The following LAMA2 variants were observed in gnomAD, a reference collection of about 807,000 sequenced individuals.
LAMA2 encodes laminin subunit alpha-2.
A neutral mutation model predicts 364.8 loss-of-function variants in LAMA2; 269 were observed. The observed-to-expected ratio is 0.74, with a 90% confidence interval of 0.67 to 0.82. The LOEUF is 0.82. LAMA2 is among the 40% of genes least tolerant of loss of function. The probability of loss-of-function intolerance (pLI) is 0.00; values close to 1 mark genes in which losing one functional copy is unlikely to be tolerated. For missense variants in LAMA2, 3,807 were observed against 3,873.2 expected, an observed-to-expected ratio of 0.98 and a Z score of 0.45; for synonymous variants, 1,379 against 1,370.6, an observed-to-expected ratio of 1.01 and a Z score of -0.14.
intron 4 of LAMA2, among the ~76,000 whole-genome samples, chr6:129,124,842 G>A (rs542984309): frequency 2.0e-5 from 3 of 152,170 alleles, no homozygotes; most frequent in Non-Finnish European, 2.9e-5. Flanking sequence ...CCTTGTACAC[G>A]TTAAGTGTCA....
rs1787086051 is a variant in LAMA2, at chr6:129,516,411, T to TA, written c.*65dup. On this transcript the variant is annotated 3_prime_UTR_variant, in exon 65 of 65. Coordinates refer to ENST00000421865, the MANE Select transcript of LAMA2 (RefSeq NM_000426.4). ...AAGTATATCAAGTAAAACAAACAAA[T>TA]ATATTTTACCTATATATGTTAATTA... The TA allele has an allele frequency of 2.4e-5, 35 of 1,486,814 alleles. No individual in the cohort carries two copies. The highest frequency in any genetic ancestry group is 3.1e-5 in the Non-Finnish European group (33 of 1,079,382). 92.1% of individuals were successfully genotyped at this position (1,486,814 alleles called of 1,614,324 possible). A position where few individuals can be genotyped will look rare whatever the true frequency, so the allele number is the denominator to read the frequency against.
In LAMA2 at chr6:129,300,796, C is replaced by T; in HGVS notation, c.3098C>T (p.Pro1033Leu). The change falls in exon 22 of 65, where the codon CCT becomes CTT. Residue 1033 changes from proline (P) to leucine (L), a missense_variant. Around this residue, in one of 3 missense-constraint regions of LAMA2, gnomAD observed 3,333 missense variants for 3,345.7 expected, o/e 1.00. Coordinates refer to ENST00000421865, the MANE Select transcript of LAMA2 (RefSeq NM_000426.4). Reference protein sequence around the residue: ...CDPKTGRCICPPNTIGEKCSK... With the variant: ...CDPKTGRCICLPNTIGEKCSK... ...CCAAAGACTGGGCGATGCATTTGCC[C>T]TCCCAATACCATTGGAGAGAAATGT... is the stretch of plus-strand genomic sequence containing the variant. 1 of 1,613,532 alleles carries T rather than the reference C, an allele frequency of 6.2e-7. No homozygotes were observed. Among genetic ancestry groups the T allele is most frequent in the Non-Finnish European group, 8.5e-7 (1 of 1,179,488 alleles).
At position 129,453,984 on chromosome 6, in the gene LAMA2, T is replaced by A. The variant is rs527700503; in HGVS notation, c.6574-171T>A. Among the ~76,000 whole-genome samples, 206 of 150,566 alleles carry A rather than the reference T, an allele frequency of 1.4e-3. 1 individual carries two copies. The highest frequency in any genetic ancestry group is 4.8e-3 in the African/African-American group (200 of 41,250). ...GCTTTAAGGATATAAAAATAAAATATTATTTTAATAATGTATAATAATAAA... is the reference window on the plus strand; with the variant it reads ...GCTTTAAGGATATAAAAATAAAATAATATTTTAATAATGTATAATAATAAA... On this transcript the variant is annotated intron_variant, in intron 46 of 64. Coordinates refer to ENST00000421865, the MANE Select transcript of LAMA2 (RefSeq NM_000426.4).
intron 18 of LAMA2, among the ~76,000 whole-genome samples, chr6:129,280,416 T>G (rs963509516): frequency 2.0e-5 from 3 of 152,212 alleles, no homozygotes; most frequent in African/African-American, 7.2e-5. Context: ...CTACAATCTT[T>G]GTAGAAAGCA....
chr6:128,924,932 A>G (rs1232531391), intron 1 of LAMA2, among the ~76,000 whole-genome samples: 1 of 152,252 alleles, frequency 6.6e-6, no homozygotes, highest in Non-Finnish European at 1.5e-5. Flanking sequence ...AAAAAATAGT[A>G]TGTGAATATA....
intron 32 of LAMA2, among the ~76,000 whole-genome samples, chr6:129,356,883 AT>A (rs1193649203): frequency 1.3e-5 from 2 of 152,074 alleles, no homozygotes; most frequent in African/African-American, 4.8e-5. Flanking sequence ...TTCATCAGAG[AT>A]TGTCAAGTAG....
At chr6:129,189,524 G>C (rs1781412735) in intron 10 of LAMA2, among the ~76,000 whole-genome samples, 1 of 152,164 alleles carries the variant, frequency 6.6e-6, no homozygotes, top group South Asian at 2.1e-4. Flanking sequence ...CCAGTCTGGA[G>C]AGCAGTCACA....
At chr6:129,229,560 G>A (rs1306045173) in intron 12 of LAMA2, among the ~76,000 whole-genome samples, 2 of 152,146 alleles carry the variant, frequency 1.3e-5, no homozygotes, top group African/African-American at 4.8e-5. Context: ...TGTTTTAATA[G>A]GGTTAGTATG....
At chr6:129,154,401 G>C in intron 7 of LAMA2, 104 bp from the exon 8 acceptor site, 1 of 1,020,816 alleles carries the variant, frequency 9.8e-7, no homozygotes, top group Non-Finnish European at 1.5e-6. Flanking sequence ...GCGACAGAGT[G>C]AGACTCTGTC....
At chr6:129,173,163 G>T (rs1477213218) in intron 9 of LAMA2, among the ~76,000 whole-genome samples, 1 of 152,196 alleles carries the variant, frequency 6.6e-6, no homozygotes, top group Non-Finnish European at 1.5e-5. Context: ...CTGTAGACCG[G>T]AGCTGTTCCT....
chr6:129,054,772 A>G (rs1788349852), intron 2 of LAMA2, among the ~76,000 whole-genome samples: 3 of 149,872 alleles, frequency 2.0e-5, no homozygotes, highest in Admixed American at 1.3e-4. Context: ...ACCTATGTGT[A>G]TATAATATTT....
At chr6:129,442,751 T>C in intron 43 of LAMA2, 1 of 396,692 alleles carries the variant, frequency 2.5e-6, no homozygotes, top group Admixed American at 3.8e-5. Flanking sequence ...TTTTGTCATA[T>C]CTCTGTTTTA....
intron 8 of LAMA2, chr6:129,157,955 A>G: frequency 6.2e-7 from 1 of 1,614,030 alleles, no homozygotes; most frequent in Non-Finnish European, 8.5e-7. Context: ...CATTTGTGTC[A>G]CTGTTGAATT....
intron 2 of LAMA2, among the ~76,000 whole-genome samples, chr6:129,055,484 G>A (rs547349377): frequency 5.9e-5 from 9 of 152,154 alleles, no homozygotes; most frequent in Admixed American, 3.9e-4. Context: ...GTGAGCCACC[G>A]CGCCTGGCCT....
intron 35 of LAMA2, among the ~76,000 whole-genome samples, chr6:129,384,431 C>G (rs1047930792): frequency 7.2e-5 from 11 of 152,164 alleles, no homozygotes; most frequent in African/African-American, 2.7e-4. Flanking sequence ...CAACACCTAG[C>G]AGCCCATCCT....
chr6:129,410,929 G>A (rs897488931), intron 40 of LAMA2, among the ~76,000 whole-genome samples: 2 of 152,124 alleles, frequency 1.3e-5, no homozygotes, highest in Non-Finnish European at 1.5e-5. Flanking sequence ...CACAGTTCAA[G>A]AACTAGAGAG....
chr6:129,154,517 A>T lies in LAMA2; in HGVS notation c.1040A>T (p.His347Leu). Residue 347 changes from histidine to leucine, a missense_variant, in exon 8 of 65, where the codon CAT (histidine) becomes CTT (leucine). Physicochemically the swap from His to Leu is moderately conservative, Grantham distance 99. Around this residue, in one of 3 missense-constraint regions of LAMA2, gnomAD observed 80 missense variants for 124.0 expected, o/e 0.65. Transcript: ENST00000421865. ...TKTECEACNCHGKAEECYYDE... is the reference protein window; with the variant it reads ...TKTECEACNCLGKAEECYYDE... Reference sequence around the variant, plus strand: ...TTCCTTAATGCAGCATGCAATTGTCATGGAAAAGCTGAAGAATGCTATTAT... The same window carrying T: ...TTCCTTAATGCAGCATGCAATTGTCTTGGAAAAGCTGAAGAATGCTATTAT... 6.2e-7 allele frequency: 1 copy of T among 1,613,444 alleles called. No homozygotes were observed.
At chr6:129,170,650 G>T (rs920416092) in intron 9 of LAMA2, among the ~76,000 whole-genome samples, 13 of 151,762 alleles carry the variant, frequency 8.6e-5, no homozygotes, top group Admixed American at 2.0e-4. Context: ...TTGATTTGGG[G>T]TGGAGAGTTC....
intron 28 of LAMA2, among the ~76,000 whole-genome samples, chr6:129,325,545 A>T (rs534461664): frequency 0.012 from 1,763 of 145,812 alleles, 16 homozygotes; most frequent in Non-Finnish European, 0.014. Flanking sequence ...TTTTTTTTTT[A>T]AAAAAAACAG....
Sources: gnomAD v4.1 joint callset for allele counts (sites outside exome capture counted in the v4.1 genomes callset) on GRCh38, gnomAD v4.1.1 for gene constraint, gnomAD v4.1.1 regional missense constraint, MANE v1.5 for transcripts, NCBI Gene and HGNC (gene_info 2026-07-23, HGNC 2026-07-21) for gene names.